Variants in MAP4 observed in about 807,000 individuals in gnomAD.
MAP4 encodes the protein microtubule associated protein 4.
Under a neutral mutation model 170.2 loss-of-function variants are expected in MAP4, and 76 were observed. That is an observed-to-expected ratio of 0.45 (90% confidence interval 0.37 to 0.54). The LOEUF (loss-of-function observed/expected upper bound fraction) is 0.54, where lower values mean the gene tolerates loss of function less well. Among genes scored for constraint, MAP4 ranks in the 20% least tolerant of loss-of-function variants. The pLI, the probability that MAP4 is intolerant of heterozygous loss-of-function variation, is 0.00. For synonymous variants in MAP4, 909 were observed against 994.5 expected, an observed-to-expected ratio of 0.91 and a Z score of 1.62; for missense variants, 2,506 against 2,748.0, an observed-to-expected ratio of 0.91 and a Z score of 1.97.
chr3:47,874,631 C>T (rs2094647183), intron 12 of MAP4, among the ~76,000 whole-genome samples: 1 of 152,200 alleles, frequency 6.6e-6, no homozygotes, highest in Non-Finnish European at 1.5e-5. Context: ...CAGGGAGGAC[C>T]TGCTGCCAGG....
chr3:47,918,979 C>T, intron 5 of MAP4, 138 bp from the exon 6 acceptor site: 1 of 611,586 alleles, frequency 1.6e-6, no homozygotes, highest in Non-Finnish European at 2.7e-6. Flanking sequence ...CCCACGCAGA[C>T]AGAGTGAAGT....
intron 3 of MAP4, among the ~76,000 whole-genome samples, chr3:47,946,677 AAAG>A (rs2100060214): frequency 2.0e-5 from 3 of 151,016 alleles, no homozygotes; most frequent in African/African-American, 4.9e-5. Context: ...AAAAAAAAAA[AAAG>A]AAGCAACTAT....
rs746494526 is a variant in MAP4 at position 47,916,850 on chromosome 3, G to A, written c.977C>T (p.Thr326Ile). ...CACATTCTTGGCTGAAGATACATCT[G>A]TTTCTGTGGGCCATCTGACATCCTT... ...LVKDVRWPTE[T>I]DVSSAKNVVL... The change falls in exon 7 of 21, where the codon ACA becomes ATA. Residue 326 changes from threonine to isoleucine, a missense_variant. Around this residue, in one of 3 missense-constraint regions of MAP4, gnomAD observed 2,008 missense variants for 2,206.0 expected, o/e 0.91. Coordinates refer to ENST00000683076, the MANE Select transcript of MAP4 (RefSeq NM_001385682.1). 3.7e-6 allele frequency: 6 copies of A among 1,614,158 alleles called. No homozygotes were observed. The highest frequency in any genetic ancestry group is 3.3e-5 in the South Asian group (3 of 91,078).
rs1161406218 is a variant in MAP4 at position 47,857,446 on chromosome 3, T to C, written c.6568A>G (p.Ile2190Val). 1.9e-6 allele frequency: 3 copies of C among 1,614,004 alleles called. No individual in the cohort carries two copies. The African/African-American group carries it at 4.0e-5, about 22-fold the overall frequency. Residue 2190 changes from isoleucine (I) to valine (V), a missense_variant, in exon 18 of 21, where the codon ATC becomes GTC. Around this residue, in one of 3 missense-constraint regions of MAP4, gnomAD observed 487 missense variants for 511.6 expected, o/e 0.95. Coordinates refer to ENST00000683076, the MANE Select transcript of MAP4 (RefSeq NM_001385682.1). ...CACCACTCACCAGGCTTGTGCTTGA[T>C]GTTAGCCTTAGACCCACACTTGGAG... The part of the protein sequence containing the change: ...VSSKCGSKAN[I>V]KHKPGGGDVK...
chr3:48,087,737 A>ACGCACG (rs757730019), intron 1 of MAP4, among the ~76,000 whole-genome samples: 1 of 91,712 alleles, frequency 1.1e-5, no homozygotes, highest in African/African-American at 4.9e-5. Context: ...GCGCACACAC[A>ACGCACG]CGCACGCGCA....
At chr3:48,031,575 A>G (rs1559824136) in intron 1 of MAP4, among the ~76,000 whole-genome samples, 1 of 151,558 alleles carries the variant, frequency 6.6e-6, no homozygotes, top group Non-Finnish European at 1.5e-5. Flanking sequence ...AAACAAAAAA[A>G]TTAGCCAGGC....
In MAP4 at chr3:47,910,500, G is replaced by A; in HGVS notation, c.3921C>T (p.Ser1307=). The A allele has an allele frequency of 6.5e-7, 1 of 1,536,022 alleles. No individual in the cohort carries two copies. Among genetic ancestry groups the A allele is most frequent in the Non-Finnish European group, 8.7e-7 (1 of 1,146,898 alleles). Residue 1307 remains serine, a synonymous_variant, in exon 9 of 21, where the codon AGC becomes AGT. Coordinates refer to ENST00000683076, the MANE Select transcript of MAP4 (RefSeq NM_001385682.1). ...CAGTAACAGTAGAAGCCTTGACTGT[G>A]CTTATCTTGTTTTCCCCAAGAGTCC... The part of the protein sequence containing the change: ...ELGTLGENKI[S]TVKASTVTEP...
At chr3:47,871,616 C>T (rs1314507558) in intron 13 of MAP4, among the ~76,000 whole-genome samples, 1 of 152,178 alleles carries the variant, frequency 6.6e-6, no homozygotes, top group Non-Finnish European at 1.5e-5. Flanking sequence ...GCACCACGTG[C>T]TAGGTGCTGT....
chr3:48,021,730 T>C (rs186413338), intron 1 of MAP4, among the ~76,000 whole-genome samples: 212 of 152,356 alleles, frequency 1.4e-3, no homozygotes, highest in Non-Finnish European at 1.7e-3. Flanking sequence ...TCCTAAGTTT[T>C]ACATAGTAAT....
intron 10 of MAP4, chr3:47,891,252 C>A (rs1318672852): frequency 2.6e-6 from 4 of 1,536,262 alleles, no homozygotes; most frequent in Non-Finnish European, 3.5e-6. Flanking sequence ...CCAGCAGTGC[C>A]GAGTTCCTTC....
intron 16 of MAP4, among the ~76,000 whole-genome samples, chr3:47,867,883 C>T (rs963461994): frequency 5.9e-5 from 9 of 152,186 alleles, no homozygotes; most frequent in African/African-American, 2.2e-4. Flanking sequence ...ATGATACTAA[C>T]AGGAAGGAGG....
At chr3:47,891,253 G>T (rs751900469) in intron 10 of MAP4, 90 of 1,536,144 alleles carry the variant, frequency 5.9e-5, no homozygotes, top group Non-Finnish European at 7.5e-5. Flanking sequence ...CAGCAGTGCC[G>T]AGTTCCTTCT....
chr3:47,892,635 A>C, intron 10 of MAP4: 1 of 1,413,254 alleles, frequency 7.1e-7, no homozygotes, highest in Non-Finnish European at 9.2e-7. Context: ...TCTCTCCTCA[A>C]GCAGTTGAGT....
intron 1 of MAP4, among the ~76,000 whole-genome samples, chr3:48,011,803 G>A (rs561075006): frequency 6.6e-6 from 1 of 152,190 alleles, no homozygotes; most frequent in Non-Finnish European, 1.5e-5. Context: ...TTACTATTCG[G>A]TTATGCCATT....
At chr3:47,973,489 T>C (rs978744086) in intron 3 of MAP4, 21 of 985,172 alleles carry the variant, frequency 2.1e-5, no homozygotes, top group East Asian at 1.1e-4. Context: ...GTGAAACAGA[T>C]AGAGCTAACA....
At position 47,852,790 on chromosome 3, in the gene MAP4, G is replaced by C; in HGVS notation, c.*144C>G. 1 of 1,548,352 alleles carries C rather than the reference G, an allele frequency of 6.5e-7. No individual in the cohort carries two copies. Among genetic ancestry groups the C allele is most frequent in the Non-Finnish European group, 8.7e-7 (1 of 1,146,850 alleles). The stretch of plus-strand genomic sequence containing the variant: ...CAGCACGGCGCCCAAGCGCTCACTG[G>C]TCTAGTGGACAGCCCGGGAAAGGGG... On this transcript the variant is annotated 3_prime_UTR_variant, in exon 21 of 21. Coordinates refer to ENST00000683076, the MANE Select transcript of MAP4 (RefSeq NM_001385682.1).
At chr3:47,991,112 T>G (rs936486171) in intron 2 of MAP4, among the ~76,000 whole-genome samples, 8 of 152,198 alleles carry the variant, frequency 5.3e-5, no homozygotes, top group African/African-American at 1.9e-4. Flanking sequence ...TTGCCAGGCA[T>G]GAAGGCAGAA....
intron 10 of MAP4, among the ~76,000 whole-genome samples, chr3:47,880,926 C>T (rs1416574300): frequency 6.6e-6 from 1 of 152,174 alleles, no homozygotes; most frequent in Non-Finnish European, 1.5e-5. Flanking sequence ...TACATCTTTA[C>T]TAACATTCTG....
At chr3:47,877,337 C>A in intron 11 of MAP4, 80 bp downstream of exon 11, 1 of 1,075,258 alleles carries the variant, frequency 9.3e-7, no homozygotes, top group Non-Finnish European at 1.4e-6. Flanking sequence ...AAATTTCATT[C>A]GTGATTCAAG....
Sources: gnomAD v4.1 joint callset for allele counts (sites outside exome capture counted in the v4.1 genomes callset) on GRCh38, gnomAD v4.1.1 for gene constraint, gnomAD v4.1.1 regional missense constraint, MANE v1.5 for transcripts, NCBI Gene and HGNC (gene_info 2026-07-23, HGNC 2026-07-21) for gene names.